CASZ1: variants seen among roughly 807,000 people sequenced by gnomAD.
CASZ1 encodes castor zinc finger 1, also known as zinc finger protein castor homolog 1.
CASZ1 carries 28 observed loss-of-function variants against 135.2 expected under a neutral mutation model. That is an observed-to-expected ratio of 0.21 (90% CI 0.15 to 0.28). The LOEUF (loss-of-function observed/expected upper bound fraction) is 0.28, where lower values mean the gene tolerates loss of function less well. Among genes scored for constraint, CASZ1 ranks in the 10% least tolerant of loss-of-function variants. The pLI is 1.00. For missense variants in CASZ1, 2,161 were observed against 2,453.3 expected (o/e 0.88, Z 2.52); for synonymous variants, 1,068 against 1,073.4 (o/e 0.99, Z 0.10).
intron 1 of CASZ1, among the ~76,000 whole-genome samples, chr1:10,782,073 G>A (rs1640772603): frequency 6.6e-6 from 1 of 152,230 alleles, no homozygotes; most frequent in African/African-American, 2.4e-5. Context: ...CAAGGGCATC[G>A]CTGTGCCTCT....
chr1:10,731,663 A>C (rs895495884), intron 2 of CASZ1, among the ~76,000 whole-genome samples: 2 of 152,212 alleles, frequency 1.3e-5, no homozygotes, highest in Non-Finnish European at 2.9e-5. Flanking sequence ...CAGTACACAA[A>C]GTTCATTGAT....
Position 10,700,187 on chromosome 1 carries a change from G to T in CASZ1, c.-24+5305C>A, listed in dbSNP as rs567862488. On this transcript the variant is annotated intron_variant, in intron 3 of 20. Coordinates refer to ENST00000377022, the MANE Select transcript of CASZ1 (RefSeq NM_001079843.3). The surrounding 1 kb of genome is among the most constrained non-coding windows in gnomAD (Gnocchi z 4.2). ...CTGGCCCAGCCTGTGGCCCCAGCCCGGGCGGGGACCTGTTCTGGAATGTTG... is the reference window on the plus strand; with the variant it reads ...CTGGCCCAGCCTGTGGCCCCAGCCCTGGCGGGGACCTGTTCTGGAATGTTG... 6.6e-6 allele frequency among the ~76,000 whole-genome samples: 1 copy of T among 152,100 alleles called. No homozygotes were observed. Among genetic ancestry groups the T allele is most frequent in the African/African-American group, 2.4e-5 (1 of 41,408 alleles).
chr1:10,765,691 A>G (rs892956619), intron 1 of CASZ1, among the ~76,000 whole-genome samples: 4 of 152,160 alleles, frequency 2.6e-5, no homozygotes, highest in Non-Finnish European at 5.9e-5. Flanking sequence ...TGAGGGAGAG[A>G]GAGATGGGGC....
Position 10,735,525 on chromosome 1 carries a change from A to G in CASZ1, c.-77+25176T>C, listed in dbSNP as rs1262643783. ...AGGGCTGTCCCCAAAGTTTGGATCA[A>G]ACTTTGCCTGGGGGAGGGGGTGTGC... On this transcript the variant is annotated intron_variant, in intron 2 of 20. Coordinates refer to ENST00000377022, the MANE Select transcript of CASZ1 (RefSeq NM_001079843.3). This position sits in a 1 kb window ranked among gnomAD's most constrained non-coding sequence, Gnocchi z 5.1. Among the ~76,000 whole-genome samples the G allele has an allele frequency of 3.3e-5, 5 of 152,130 alleles. No homozygotes were observed. Among genetic ancestry groups the G allele is most frequent in the Non-Finnish European group, 7.4e-5 (5 of 68,008 alleles).
chr1:10,703,185 G>T (rs1262252676), intron 3 of CASZ1, among the ~76,000 whole-genome samples: 1 of 152,176 alleles, frequency 6.6e-6, no homozygotes, highest in African/African-American at 2.4e-5. Context: ...ACCTCTGGCC[G>T]CGGCCGCAGC....
chr1:10,766,546 G>A (rs1356335199), intron 1 of CASZ1, among the ~76,000 whole-genome samples: 1 of 152,190 alleles, frequency 6.6e-6, no homozygotes, highest in Admixed American at 6.5e-5. Flanking sequence ...AGGTGCTTCT[G>A]GCCGGGCTGA....
In CASZ1 at chr1:10,707,061, C is replaced by T. The variant is rs1298801853; in HGVS notation, c.-76-1517G>A. ...CCAGGTGGGCTCAGCCATCAGAGCT[C>T]GAGTCCTGGCCGGTCAGCCCAGGGC... On this transcript the variant is annotated intron_variant, in intron 2 of 20. Coordinates refer to ENST00000377022, the MANE Select transcript of CASZ1 (RefSeq NM_001079843.3). This position sits in a 1 kb window ranked among gnomAD's most constrained non-coding sequence, Gnocchi z 5.0. Among the ~76,000 whole-genome samples the T allele has an allele frequency of 6.6e-6, 1 of 152,062 alleles. No individual in the cohort carries two copies. The highest frequency in any genetic ancestry group is 1.5e-5 in the Non-Finnish European group (1 of 67,984).
chr1:10,696,921 C>G (rs1638946399), intron 3 of CASZ1, among the ~76,000 whole-genome samples: 1 of 152,154 alleles, frequency 6.6e-6, no homozygotes, highest in East Asian at 1.9e-4. Flanking sequence ...CTCGGGGGGT[C>G]TCAGGCAGAC....
intron 11 of CASZ1, chr1:10,652,975 C>A (rs961196417): frequency 6.0e-5 from 17 of 281,250 alleles, no homozygotes; most frequent in Non-Finnish European, 1.2e-4. Flanking sequence ...TGGACGCAGG[C>A]CCTGCTCCAG....
chr1:10,784,603 G>C (rs1336177493), intron 1 of CASZ1, among the ~76,000 whole-genome samples: 1 of 152,094 alleles, frequency 6.6e-6, no homozygotes, highest in Admixed American at 6.5e-5. Context: ...TCGCTCTGTT[G>C]CCCAGGCTGG....
At chr1:10,753,469 G>A (rs1640186203) in intron 2 of CASZ1, among the ~76,000 whole-genome samples, 1 of 152,214 alleles carries the variant, frequency 6.6e-6, no homozygotes, top group Non-Finnish European at 1.5e-5. Flanking sequence ...AGGAGCACAG[G>A]GCTCATTTGC....
chr1:10,768,973 T>A (rs1042960291), intron 1 of CASZ1, among the ~76,000 whole-genome samples: 2 of 152,160 alleles, frequency 1.3e-5, no homozygotes, highest in African/African-American at 4.8e-5. Flanking sequence ...AAACCCCGTC[T>A]CTACTAAAAA....
intron 4 of CASZ1, among the ~76,000 whole-genome samples, chr1:10,686,061 C>T (rs543400205): frequency 2.0e-4 from 30 of 152,312 alleles, no homozygotes; most frequent in African/African-American, 6.7e-4. Context: ...GAAGAGGCTA[C>T]TGGGGCCAAC....
intron 2 of CASZ1, among the ~76,000 whole-genome samples, chr1:10,746,974 T>C (rs992860371): frequency 2.6e-5 from 4 of 152,336 alleles, no homozygotes; most frequent in South Asian, 2.1e-4. Context: ...TGGGTAGCTC[T>C]GAGATCATGT....
chr1:10,655,613 C>A (rs758795451), intron 9 of CASZ1, 36 bp downstream of exon 9: 1 of 1,585,686 alleles, frequency 6.3e-7, no homozygotes, highest in Non-Finnish European at 8.6e-7. Context: ...TGGGCCAGTC[C>A]TGCAGCTGCC....
chr1:10,693,613 G>GC (rs949021480), intron 4 of CASZ1, among the ~76,000 whole-genome samples: 3 of 150,934 alleles, frequency 2.0e-5, no homozygotes, highest in Non-Finnish European at 4.4e-5. Context: ...CTCTCTGGGT[G>GC]CCCCCCAGCT....
chr1:10,656,139 C>T (rs1002860513), intron 8 of CASZ1, among the ~76,000 whole-genome samples: 4 of 152,246 alleles, frequency 2.6e-5, no homozygotes, highest in Admixed American at 6.5e-5. Context: ...GCCCAGTGCA[C>T]CTCTGGACTA....
In CASZ1 at chr1:10,759,769, G is replaced by T. The variant is rs1214972447; in HGVS notation, c.-77+932C>A. ...GGGGAGGAAGAGCGCAGGCAGGTGA[G>T]CCAGGGACACCGGCTCCAGGCTGGC... is the stretch of plus-strand genomic sequence containing the variant. On this transcript the variant is annotated intron_variant, in intron 2 of 20. Coordinates refer to ENST00000377022, the MANE Select transcript of CASZ1 (RefSeq NM_001079843.3). This position sits in a 1 kb window ranked among gnomAD's most constrained non-coding sequence, Gnocchi z 4.2. Among the ~76,000 whole-genome samples, 1 of 151,720 alleles carries T rather than the reference G, an allele frequency of 6.6e-6. No homozygotes were observed. Among genetic ancestry groups the T allele is most frequent in the East Asian group, 1.9e-4 (1 of 5,170 alleles).
chr1:10,680,596 G>A (rs1353369484), intron 4 of CASZ1, among the ~76,000 whole-genome samples: 1 of 152,214 alleles, frequency 6.6e-6, no homozygotes, highest in Non-Finnish European at 1.5e-5. Flanking sequence ...AAAGGGTAGG[G>A]CAACTTTGGG....
Sources: gnomAD v4.1 joint callset for allele counts (sites outside exome capture counted in the v4.1 genomes callset) on GRCh38, gnomAD v4.1.1 for gene constraint, Gnocchi (gnomAD v3.1) non-coding constraint, MANE v1.5 for transcripts, NCBI Gene and HGNC (gene_info 2026-07-23, HGNC 2026-07-21) for gene names.